PARD3B: variants seen among roughly 807,000 people sequenced by gnomAD.
The protein encoded by PARD3B is partitioning defective 3 homolog B.
Under a neutral mutation model 130.2 loss-of-function variants are expected in PARD3B, and 103 were observed. The ratio of observed to expected loss-of-function variants is 0.79; its 90% CI spans 0.67 to 0.93. PARD3B has a LOEUF of 0.93. Ranked by LOEUF, PARD3B falls within the 40% of genes least tolerant of loss-of-function variation. The pLI, the probability that PARD3B is intolerant of heterozygous loss-of-function variation, is 0.00. For missense variants in PARD3B, 1,609 were observed against 1,499.2 expected (o/e 1.07, Z -1.21); for synonymous variants, 583 against 553.2 (o/e 1.05, Z -0.76).
chr2:204,549,448 G>C (rs760046761), intron 1 of PARD3B, among the ~76,000 whole-genome samples: 2 of 152,092 alleles, frequency 1.3e-5, no homozygotes, highest in African/African-American at 2.4e-5. Flanking sequence ...TAATTGAGCT[G>C]TATCCTGCAG....
intron 2 of PARD3B, among the ~76,000 whole-genome samples, chr2:204,687,910 A>G (rs1447065668): frequency 1.3e-5 from 2 of 152,214 alleles, no homozygotes; most frequent in Admixed American, 1.3e-4. Flanking sequence ...ATACCTCATT[A>G]CTAGAAGGAT....
intron 4 of PARD3B, among the ~76,000 whole-genome samples, chr2:205,089,587 TC>T (rs1269017841): frequency 6.6e-6 from 1 of 152,214 alleles, no homozygotes; most frequent in Non-Finnish European, 1.5e-5. Context: ...CCATGGCACT[TC>T]AGCCTAGTGC....
At chr2:205,293,713 G>C (rs2041690981) in intron 16 of PARD3B, 2 of 152,214 alleles carry the variant, frequency 1.3e-5, no homozygotes, top group Non-Finnish European at 2.9e-5. Context: ...AGAGGAAGCT[G>C]TATGTGGGCT....
At chr2:205,223,212 T>C (rs1404501645) in intron 15 of PARD3B, among the ~76,000 whole-genome samples, 1 of 151,936 alleles carries the variant, frequency 6.6e-6, no homozygotes, top group Non-Finnish European at 1.5e-5. Context: ...GATAATATAA[T>C]GGAAAAGGTA....
chr2:205,522,026 A>T (rs893726956), intron 21 of PARD3B, among the ~76,000 whole-genome samples: 1 of 151,850 alleles, frequency 6.6e-6, no homozygotes, highest in African/African-American at 2.4e-5. Flanking sequence ...TGAATTTTGG[A>T]AATCTGCCTT....
chr2:205,435,049 C>G (rs977898825), intron 19 of PARD3B, among the ~76,000 whole-genome samples: 1 of 151,772 alleles, frequency 6.6e-6, no homozygotes, highest in Admixed American at 6.6e-5. Flanking sequence ...ACATGTACCC[C>G]CTGTACTGAA....
At chr2:204,650,193 C>G (rs1488253547) in intron 1 of PARD3B, among the ~76,000 whole-genome samples, 2 of 152,116 alleles carry the variant, frequency 1.3e-5, no homozygotes, top group Admixed American at 1.3e-4. Context: ...AACAAAACCA[C>G]AATGAGATAC....
chr2:204,580,250 C>A (rs1325538468), intron 1 of PARD3B, among the ~76,000 whole-genome samples: 3 of 150,012 alleles, frequency 2.0e-5, no homozygotes, highest in Non-Finnish European at 3.0e-5. Context: ...GGGGTACTTT[C>A]TCTCTCTTGT....
intron 1 of PARD3B, among the ~76,000 whole-genome samples, chr2:204,653,785 C>CAAA (rs35190366): frequency 7.0e-5 from 5 of 71,470 alleles, no homozygotes; most frequent in Non-Finnish European, 9.3e-5. Context: ...GACTCTGTCT[C>CAAA]AAAAAAAAAA....
At chr2:205,118,758 C>CT (rs2030247170) in intron 6 of PARD3B, among the ~76,000 whole-genome samples, 163 bp from the exon 7 acceptor site, 2 of 152,154 alleles carry the variant, frequency 1.3e-5, no homozygotes, top group East Asian at 3.9e-4. Context: ...TCAGTTTTGG[C>CT]TTTTTTTGGA....
intron 10 of PARD3B, among the ~76,000 whole-genome samples, chr2:205,133,515 G>T (rs779237202): frequency 8.5e-5 from 13 of 152,138 alleles, no homozygotes; most frequent in African/African-American, 1.2e-4. Context: ...GCTCACTCAA[G>T]TTTGAGAACC....
intron 15 of PARD3B, among the ~76,000 whole-genome samples, chr2:205,227,308 T>A (rs1242785112): frequency 6.6e-6 from 1 of 152,196 alleles, no homozygotes; most frequent in Non-Finnish European, 1.5e-5. Context: ...TGTATTGGGA[T>A]CTCTCTGCCT....
intron 21 of PARD3B, among the ~76,000 whole-genome samples, chr2:205,537,137 C>A (rs1256396449): frequency 6.6e-6 from 1 of 152,124 alleles, no homozygotes; most frequent in Non-Finnish European, 1.5e-5. Context: ...TTGTAAATCA[C>A]CTCACAATTC....
intron 22 of PARD3B, among the ~76,000 whole-genome samples, chr2:205,567,648 A>G (rs893605782): frequency 4.0e-5 from 6 of 151,892 alleles, no homozygotes; most frequent in African/African-American, 1.2e-4. Flanking sequence ...TAGCAATAAC[A>G]GTAACAAGGA....
intron 2 of PARD3B, among the ~76,000 whole-genome samples, chr2:204,781,570 T>C (rs911241638): frequency 6.6e-6 from 1 of 152,134 alleles, no homozygotes; most frequent in Non-Finnish European, 1.5e-5. Flanking sequence ...AGGATTCAGC[T>C]GTCAACTTAT....
chr2:204,784,375 C>T (rs572998748), intron 2 of PARD3B, among the ~76,000 whole-genome samples: 3 of 151,662 alleles, frequency 2.0e-5, no homozygotes, highest in Admixed American at 6.6e-5. Context: ...TATTTTTGTT[C>T]GTTTTTGGCT....
intron 18 of PARD3B, among the ~76,000 whole-genome samples, chr2:205,391,932 G>A (rs964439759): frequency 3.3e-5 from 5 of 151,942 alleles, no homozygotes; most frequent in African/African-American, 1.2e-4. Flanking sequence ...AGAAAGCTCA[G>A]CAAAAGCAAT....
At chr2:205,084,440 A>T (rs13414925) in intron 4 of PARD3B, among the ~76,000 whole-genome samples, 2,278 of 152,130 alleles carry the variant, frequency 0.015, 26 homozygotes, top group Middle Eastern at 0.034. Flanking sequence ...TGTAAGGAAC[A>T]TGTCTTATTG....
rs554335778 is a variant in PARD3B at position 205,311,103 on chromosome 2, G to T, written c.2630+9402G>T. ...TGATGGGCACTTAAGTTGATTCCAT[G>T]TCTTGGCTGTTGTGAATAGCGCTGC... On this transcript the variant is annotated intron_variant, in intron 18 of 22. Transcript: ENST00000406610. Among the ~76,000 whole-genome samples the T allele has an allele frequency of 2.0e-5, 3 of 152,278 alleles. No individual in the cohort carries two copies. In the South Asian group the frequency reaches 6.2e-4, roughly 32 times the overall value.
Sources: allele counts gnomAD v4.1 joint callset (sites outside exome capture counted in the v4.1 genomes callset), GRCh38; gene constraint gnomAD v4.1.1; transcripts MANE v1.5; gene names NCBI Gene and HGNC (gene_info 2026-07-23, HGNC 2026-07-21).